FZD3: variants seen among roughly 807,000 people sequenced by gnomAD.
The protein encoded by FZD3 is frizzled class receptor 3.
Under a neutral mutation model 60.7 loss-of-function variants are expected in FZD3, and 30 were observed. That is an observed-to-expected ratio of 0.49 (90% CI 0.37 to 0.67). The LOEUF (loss-of-function observed/expected upper bound fraction) is 0.67, where lower values mean the gene tolerates loss of function less well. Among genes scored for constraint, FZD3 ranks in the 30% least tolerant of loss-of-function variants. The pLI is 0.00. For synonymous variants in FZD3, 246 were observed against 275.2 expected, an observed-to-expected ratio of 0.89 and a Z score of 1.05; for missense variants, 605 against 838.7, an observed-to-expected ratio of 0.72 and a Z score of 3.44.
intron 5 of FZD3, among the ~76,000 whole-genome samples, chr8:28,548,072 C>T (rs1464409284): frequency 6.6e-5 from 10 of 151,956 alleles, no homozygotes; most frequent in South Asian, 4.2e-4. Context: ...AGGCTGGTCT[C>T]GAACTCCTGA....
intron 3 of FZD3, among the ~76,000 whole-genome samples, chr8:28,503,485 A>G (rs1408556910): frequency 6.6e-6 from 1 of 152,224 alleles, no homozygotes. Flanking sequence ...TTAAAATTTA[A>G]GAATAACTCC....
chr8:28,537,297 G>A (rs1222536364), intron 5 of FZD3, among the ~76,000 whole-genome samples: 1 of 152,148 alleles, frequency 6.6e-6, no homozygotes, highest in Non-Finnish European at 1.5e-5. Context: ...AAATATACAA[G>A]TTATTATTCT....
chr8:28,553,658 T>C (rs1244124116), intron 6 of FZD3, among the ~76,000 whole-genome samples: 1 of 152,196 alleles, frequency 6.6e-6, no homozygotes, highest in Non-Finnish European at 1.5e-5. Context: ...CATTTGGTTT[T>C]CTGCAGCTGT....
intron 3 of FZD3, among the ~76,000 whole-genome samples, chr8:28,505,909 G>A (rs1804127557): frequency 6.6e-6 from 1 of 152,176 alleles, no homozygotes; most frequent in African/African-American, 2.4e-5. Context: ...TTGCTAATAT[G>A]TTTATTTCTT....
chr8:28,546,126 G>A (rs577923904), intron 5 of FZD3, among the ~76,000 whole-genome samples: 7 of 152,238 alleles, frequency 4.6e-5, no homozygotes, highest in African/African-American at 9.6e-5. Flanking sequence ...TCTGATATTC[G>A]CGCAATGACA....
At chr8:28,504,947 A>G (rs1368657574) in intron 3 of FZD3, among the ~76,000 whole-genome samples, 1 of 152,234 alleles carries the variant, frequency 6.6e-6, no homozygotes, top group East Asian at 1.9e-4. Flanking sequence ...AGACACTGAC[A>G]TTCTGGGGAG....
chr8:28,532,955 T>A (rs908651373), intron 5 of FZD3, among the ~76,000 whole-genome samples: 2 of 152,160 alleles, frequency 1.3e-5, no homozygotes, highest in Non-Finnish European at 1.5e-5. Context: ...AGGAAAGAAG[T>A]TGGTTAAGAA....
At position 28,527,829 on chromosome 8, in the gene FZD3, A is replaced by T; in HGVS notation, c.1069A>T (p.Ile357Phe). 6.2e-7 allele frequency: 1 copy of T among 1,614,046 alleles called. No homozygotes were observed. Among genetic ancestry groups the T allele is most frequent in the Non-Finnish European group, 8.5e-7 (1 of 1,179,930 alleles). ...LAMNKIEGDNISGVCFVGLYD... is the reference protein window; with the variant it reads ...LAMNKIEGDNFSGVCFVGLYD... ...GATGAATAAAATTGAAGGTGACAAT[A>T]TTAGTGGCGTGTGTTTTGTTGGCCT... The change falls in exon 5 of 8, where the codon ATT (isoleucine) becomes TTT (phenylalanine). Residue 357 changes from isoleucine (I) to phenylalanine (F), a missense_variant. By Grantham distance (21) the Ile-to-Phe change is conservative. Transcript: ENST00000240093. This position sits in a 1 kb window ranked among gnomAD's most constrained non-coding sequence, Gnocchi z 5.0.
At chr8:28,541,007 C>A (rs1805152554) in intron 5 of FZD3, among the ~76,000 whole-genome samples, 1 of 151,904 alleles carries the variant, frequency 6.6e-6, no homozygotes. Flanking sequence ...ACACTGTATC[C>A]CATTTCCTTT....
At chr8:28,534,907 C>T (rs976811142) in intron 5 of FZD3, among the ~76,000 whole-genome samples, 8 of 152,036 alleles carry the variant, frequency 5.3e-5, no homozygotes, top group Non-Finnish European at 8.8e-5. Context: ...ACTTAGTAGG[C>T]GCTGATGATA....
In FZD3 at chr8:28,571,365, A is replaced by G. The variant is rs889490092; in HGVS notation, c.*8354A>G. 25 of 152,130 alleles carry G rather than the reference A, an allele frequency of 1.6e-4. No individual in the cohort carries two copies. Among genetic ancestry groups the G allele is most frequent in the African/African-American group, 5.8e-4 (24 of 41,486 alleles). The allele number at this position is 152,130 out of a possible 1,614,324, so 9.4% of individuals were successfully genotyped here. On this transcript the variant is annotated 3_prime_UTR_variant, in exon 8 of 8. Coordinates refer to ENST00000240093, the MANE Select transcript of FZD3 (RefSeq NM_017412.4). Reference sequence around the variant, plus strand: ...TGAAATAATTCTGTATTTCTGAGACAAGATCAACACAGTAGTTCTTTACAT... The same window carrying G: ...TGAAATAATTCTGTATTTCTGAGACGAGATCAACACAGTAGTTCTTTACAT...
At chr8:28,547,457 A>G (rs1360057309) in intron 5 of FZD3, among the ~76,000 whole-genome samples, 3 of 152,248 alleles carry the variant, frequency 2.0e-5, no homozygotes, top group African/African-American at 7.2e-5. Flanking sequence ...TTTGATAGAC[A>G]TAGCCAAATT....
intron 2 of FZD3, 120 bp from the exon 3 acceptor site, chr8:28,502,550 A>T (rs1400467265): frequency 6.6e-6 from 1 of 152,288 alleles, no homozygotes; most frequent in East Asian, 1.9e-4. Context: ...TAAAGTACCC[A>T]CATATTGTTA....
At chr8:28,524,044 G>T (rs1804653517) in intron 4 of FZD3, among the ~76,000 whole-genome samples, 1 of 151,974 alleles carries the variant, frequency 6.6e-6, no homozygotes, top group African/African-American at 2.4e-5. Flanking sequence ...TCTTGACTTG[G>T]ACTTCCCAGC....
intron 3 of FZD3, among the ~76,000 whole-genome samples, chr8:28,515,445 G>T (rs916165944): frequency 3.3e-5 from 5 of 152,152 alleles, no homozygotes; most frequent in African/African-American, 1.2e-4. Context: ...TCAAGTGCAC[G>T]GTTTGATTTG....
chr8:28,517,354 T>G (rs1563387315), intron 3 of FZD3, among the ~76,000 whole-genome samples: 1 of 152,210 alleles, frequency 6.6e-6, no homozygotes, highest in African/African-American at 2.4e-5. Context: ...CTGACTGCCC[T>G]TAACATATTT....
chr8:28,571,142 G>A lies in FZD3; in HGVS notation c.*8131G>A, dbSNP rs1181544263. On this transcript the variant is annotated 3_prime_UTR_variant, in exon 8 of 8. Coordinates refer to ENST00000240093, the MANE Select transcript of FZD3 (RefSeq NM_017412.4). ...AAATATTTCATTTAATATTTTCTGG[G>A]TTTTGATAATGGGATATTCTGTAAG... is the stretch of plus-strand genomic sequence containing the variant. The A allele has an allele frequency of 6.6e-6, 1 of 151,906 alleles. No homozygotes were observed. The highest frequency in any genetic ancestry group is 1.5e-5 in the Non-Finnish European group (1 of 67,966). The allele number at this position is 151,906 out of a possible 1,614,324, so 9.4% of individuals were successfully genotyped here. A position where few individuals can be genotyped will look rare whatever the true frequency, so the allele number is the denominator to read the frequency against.
intron 4 of FZD3, among the ~76,000 whole-genome samples, chr8:28,525,594 G>A (rs1256470827): frequency 2.6e-5 from 4 of 152,146 alleles, no homozygotes; most frequent in African/African-American, 7.2e-5. Context: ...GAGGGAGAAT[G>A]GAAGGAAATA....
Position 28,502,978 on chromosome 8 carries a change from GC to G in FZD3, c.-34del, listed in dbSNP as rs763212839. ...AATATCTAAAATACATATTGAATAGGCCTGATCATCTGAATCTCCTTCAGAC... is the reference window on the plus strand; with the variant it reads ...AATATCTAAAATACATATTGAATAGGCTGATCATCTGAATCTCCTTCAGAC... On this transcript the variant is annotated 5_prime_UTR_variant, in exon 3 of 8. Transcript: ENST00000240093. The G allele has an allele frequency of 1.6e-5, 23 of 1,435,268 alleles. No individual in the cohort carries two copies. Among genetic ancestry groups the G allele is most frequent in the South Asian group, 1.2e-5 (1 of 85,186 alleles). 88.9% of individuals were successfully genotyped at this position (1,435,268 alleles called of 1,614,324 possible).
Sources: gnomAD v4.1 joint callset for allele counts (sites outside exome capture counted in the v4.1 genomes callset) on GRCh38, gnomAD v4.1.1 for gene constraint, Gnocchi (gnomAD v3.1) non-coding constraint, MANE v1.5 for transcripts, NCBI Gene and HGNC (gene_info 2026-07-23, HGNC 2026-07-21) for gene names.